The following ADGRV1 variants were observed in gnomAD, a reference collection of about 807,000 sequenced individuals.
ADGRV1 encodes the protein adhesion G protein-coupled receptor V1.
Under a neutral mutation model 596.2 loss-of-function variants are expected in ADGRV1, and 359 were observed. The observed-to-expected ratio is 0.60, with a 90% CI of 0.55 to 0.66. ADGRV1 has a LOEUF of 0.66. Among genes scored for constraint, ADGRV1 ranks in the 30% least tolerant of loss-of-function variants. The pLI is 0.00. For missense variants in ADGRV1, 7,274 were observed against 7,575.6 expected (o/e 0.96, Z 1.48); for synonymous variants, 2,681 against 2,679.2 (o/e 1.00, Z -0.02).
chr5:91,030,699 A>G (rs941321771), intron 85 of ADGRV1, among the ~76,000 whole-genome samples: 12 of 152,166 alleles, frequency 7.9e-5, no homozygotes, highest in Non-Finnish European at 1.8e-4. Flanking sequence ...ACTATGTTGC[A>G]CAGTAGAATA....
intron 85 of ADGRV1, among the ~76,000 whole-genome samples, chr5:91,058,754 A>G (rs16869400): frequency 0.011 from 1,623 of 152,314 alleles, 24 homozygotes; most frequent in African/African-American, 0.037. Context: ...CACATGAGTC[A>G]TGAGGAAAAG....
intron 1 of ADGRV1, among the ~76,000 whole-genome samples, chr5:90,603,384 C>A (rs1761663065): frequency 6.6e-6 from 1 of 152,170 alleles, no homozygotes. Flanking sequence ...TAGGCAGGAG[C>A]TTGTGGATGT....
intron 21 of ADGRV1, among the ~76,000 whole-genome samples, chr5:90,668,078 G>T (rs1374336285): frequency 6.6e-6 from 1 of 151,860 alleles, no homozygotes; most frequent in Non-Finnish European, 1.5e-5. Flanking sequence ...TCTGTGCCCT[G>T]CCCCCAGAGG....
intron 82 of ADGRV1, among the ~76,000 whole-genome samples, chr5:90,863,166 C>G (rs894334185): frequency 1.3e-5 from 2 of 152,086 alleles, no homozygotes; most frequent in African/African-American, 2.4e-5. Context: ...CACATGTATA[C>G]CCTGCCTTTA....
chr5:90,672,979 T>C (rs190413493), intron 22 of ADGRV1: 238 of 387,692 alleles, frequency 6.1e-4, no homozygotes, highest in African/African-American at 4.6e-3. Flanking sequence ...TGATTTCCTA[T>C]GGATCTGTCT....
intron 87 of ADGRV1, among the ~76,000 whole-genome samples, chr5:91,107,333 TTTG>T (rs1439927120): frequency 7.2e-5 from 11 of 152,270 alleles, no homozygotes; most frequent in African/African-American, 2.2e-4. Flanking sequence ...GGAGGAAAGA[TTTG>T]TTGCCATGGC....
Position 90,750,577 on chromosome 5 carries a change from A to G in ADGRV1, c.11001A>G (p.Glu3667=), listed in dbSNP as rs370648388. The change falls in exon 53 of 90, where the codon GAA becomes GAG. Residue 3667 remains glutamate, a synonymous_variant. Coordinates refer to ENST00000405460, the MANE Select transcript of ADGRV1 (RefSeq NM_032119.4). ...AQNSLYKQVE[E]MEQDSLVTLN... ...ATTCATTATATAAGCAAGTGGAAGAAATGGAGCAAGATAGCCTAGTAACCT... is the reference window on the plus strand; with the variant it reads ...ATTCATTATATAAGCAAGTGGAAGAGATGGAGCAAGATAGCCTAGTAACCT... 8 of 1,610,432 alleles carry G rather than the reference A, an allele frequency of 5.0e-6. No homozygotes were observed. In the Admixed American group the frequency reaches 5.0e-5, roughly 10 times the overall value.
At chr5:90,938,274 C>G (rs1437028148) in intron 83 of ADGRV1, among the ~76,000 whole-genome samples, 1 of 152,154 alleles carries the variant, frequency 6.6e-6, no homozygotes, top group Non-Finnish European at 1.5e-5. Context: ...GCAACCTTTT[C>G]TTTCCTTACA....
rs1396728514 is a variant in ADGRV1, at chr5:90,777,961, C to T, written c.12584C>T (p.Pro4195Leu). The change falls in exon 62 of 90, where the codon CCT (proline) becomes CTT (leucine). Residue 4195 changes from proline (P) to leucine (L), a missense_variant. Coordinates refer to ENST00000405460, the MANE Select transcript of ADGRV1 (RefSeq NM_032119.4). ...GTCACAGTGTTCTGGAGGATATTCC[C>T]TCCTTCCGTGGGGGAATTTGCTGAA... ...GEVTVFWRIF[P>L]PSVGEFAETS... 6.2e-7 allele frequency: 1 copy of T among 1,612,028 alleles called. No homozygotes were observed. Among genetic ancestry groups the T allele is most frequent in the African/African-American group, 1.3e-5 (1 of 74,884 alleles).
Position 90,788,109 on chromosome 5 carries a change from C to T in ADGRV1, c.13692C>T (p.Ala4564=). Residue 4564 remains alanine, a synonymous_variant, in exon 68 of 90, where the codon GCC becomes GCT. Transcript: ENST00000405460. The part of the protein sequence containing the change: ...WETVGPNSQE[A]LLPQNRDIAD... ...CAGTAGGACCCAACTCTCAAGAAGC[C>T]TTACTGCCACAGAATAGAGACATTG... The T allele has an allele frequency of 2.5e-6, 4 of 1,613,182 alleles. No homozygotes were observed. The South Asian group carries it at 4.4e-5, about 18-fold the overall frequency.
chr5:90,816,473 C>T (rs964604937), intron 75 of ADGRV1, among the ~76,000 whole-genome samples: 2 of 150,688 alleles, frequency 1.3e-5, no homozygotes, highest in African/African-American at 2.4e-5. Flanking sequence ...AGGTTTGTTA[C>T]GTATGTACAC....
At chr5:90,832,553 G>A (rs139255118) in intron 77 of ADGRV1, among the ~76,000 whole-genome samples, 1 of 152,114 alleles carries the variant, frequency 6.6e-6, no homozygotes, top group Non-Finnish European at 1.5e-5. Context: ...TCTGTGGGCT[G>A]TCTCTTCACT....
intron 84 of ADGRV1, among the ~76,000 whole-genome samples, chr5:90,981,550 G>A (rs146188417): frequency 3.3e-5 from 5 of 151,484 alleles, no homozygotes; most frequent in African/African-American, 1.2e-4. Context: ...TAATTGGTAT[G>A]TCTAGATGTT....
intron 84 of ADGRV1, among the ~76,000 whole-genome samples, chr5:90,977,528 A>G (rs1181148687): frequency 4.6e-5 from 7 of 152,164 alleles, no homozygotes; most frequent in Admixed American, 1.3e-4. Flanking sequence ...TCTCCTTTAT[A>G]TTTTACTCAT....
intron 85 of ADGRV1, among the ~76,000 whole-genome samples, chr5:91,016,236 A>T (rs1783161386): frequency 6.6e-6 from 1 of 151,924 alleles, no homozygotes; most frequent in Non-Finnish European, 1.5e-5. Flanking sequence ...GACAAACAAT[A>T]TCTTGTGTTT....
At chr5:90,946,290 T>C (rs985543787) in intron 83 of ADGRV1, among the ~76,000 whole-genome samples, 2 of 152,076 alleles carry the variant, frequency 1.3e-5, no homozygotes, top group African/African-American at 2.4e-5. Context: ...CAAGATCATA[T>C]AGGGCATTGC....
intron 60 of ADGRV1, among the ~76,000 whole-genome samples, chr5:90,774,832 G>T (rs1368922849): frequency 6.6e-6 from 1 of 152,110 alleles, no homozygotes; most frequent in Non-Finnish European, 1.5e-5. Context: ...GTTAATAGTG[G>T]TTTTTGATTA....
chr5:90,972,444 A>G (rs1295588555), intron 84 of ADGRV1, among the ~76,000 whole-genome samples: 1 of 152,224 alleles, frequency 6.6e-6, no homozygotes, highest in Non-Finnish European at 1.5e-5. Flanking sequence ...TTGACCACAT[A>G]GTTGGAAGTA....
chr5:91,143,696 A>C (rs759351168), intron 87 of ADGRV1, among the ~76,000 whole-genome samples: 1 of 152,164 alleles, frequency 6.6e-6, no homozygotes, highest in African/African-American at 2.4e-5. Context: ...TCCAGTTTGC[A>C]GGACTGACAG....
Sources: allele counts gnomAD v4.1 joint callset (sites outside exome capture counted in the v4.1 genomes callset), GRCh38; gene constraint gnomAD v4.1.1; transcripts MANE v1.5; gene names NCBI Gene and HGNC (gene_info 2026-07-23, HGNC 2026-07-21).